The following MACROD2 variants were observed in gnomAD, a reference collection of about 807,000 sequenced individuals.
The protein encoded by MACROD2 is mono-ADP ribosylhydrolase 2.
A neutral mutation model predicts 70.4 loss-of-function variants in MACROD2; 36 were observed. The ratio of observed to expected loss-of-function variants is 0.51; its 90% CI spans 0.39 to 0.68. The LOEUF is 0.68. Among genes scored for constraint, MACROD2 ranks in the 30% least tolerant of loss-of-function variants. The pLI, the probability that MACROD2 is intolerant of heterozygous loss-of-function variation, is 0.00. For missense variants in MACROD2, 496 were observed against 538.4 expected (o/e 0.92, Z 0.78); for synonymous variants, 172 against 178.8 (o/e 0.96, Z 0.30).
intron 8 of MACROD2, among the ~76,000 whole-genome samples, chr20:15,558,786 C>T (rs1360695611): frequency 6.6e-6 from 1 of 152,170 alleles, no homozygotes; most frequent in Non-Finnish European, 1.5e-5. Flanking sequence ...TTCTTTCCTA[C>T]ATTAAAAATG....
chr20:14,426,668 C>T (rs2083936546), intron 3 of MACROD2, among the ~76,000 whole-genome samples: 1 of 152,098 alleles, frequency 6.6e-6, no homozygotes. Context: ...GAGTTATCAT[C>T]TCCATATTTT....
chr20:14,692,946 T>A lies in MACROD2; in HGVS notation c.418+7987T>A, dbSNP rs567613294. On this transcript the variant is annotated intron_variant, in intron 5 of 17. Transcript: ENST00000684519. ...TGTCTTTTAAAAAATATCTACCTTTTGGAAGCAACTGGTGTTTACACTGTT... is the reference window on the plus strand; with the variant it reads ...TGTCTTTTAAAAAATATCTACCTTTAGGAAGCAACTGGTGTTTACACTGTT... Among the ~76,000 whole-genome samples the A allele has an allele frequency of 9.5e-4, 144 of 152,320 alleles. 1 individual carries two copies. The highest frequency in any genetic ancestry group is 3.3e-3 in the African/African-American group (137 of 41,586).
intron 1 of MACROD2, among the ~76,000 whole-genome samples, chr20:13,997,081 G>A (rs953654558): frequency 6.6e-6 from 1 of 151,994 alleles, no homozygotes; most frequent in African/African-American, 2.4e-5. Context: ...CGTGAGGAGG[G>A]AATTTTTTTT....
chr20:15,377,353 G>A (rs1010366798), intron 6 of MACROD2, among the ~76,000 whole-genome samples: 1 of 152,150 alleles, frequency 6.6e-6, no homozygotes, highest in Non-Finnish European at 1.5e-5. Context: ...AGAGAAAAGA[G>A]AAGGAATAAA....
intron 5 of MACROD2, among the ~76,000 whole-genome samples, chr20:14,935,622 G>A (rs140241096): frequency 2.2e-3 from 330 of 152,274 alleles, no homozygotes; most frequent in African/African-American, 7.5e-3. Flanking sequence ...ATTTGGGAGT[G>A]TAGACTGGAA....
chr20:15,710,777 G>A (rs575723735), intron 8 of MACROD2, among the ~76,000 whole-genome samples: 63 of 152,120 alleles, frequency 4.1e-4, no homozygotes, highest in African/African-American at 1.5e-3. Context: ...TGTTTTTGGC[G>A]GAAATTGTCC....
chr20:15,532,871 G>C (rs1414062225), intron 8 of MACROD2, among the ~76,000 whole-genome samples: 1 of 152,034 alleles, frequency 6.6e-6, no homozygotes, highest in African/African-American at 2.4e-5. Context: ...CAATTAAAGG[G>C]TTTGAAAGAT....
chr20:14,321,860 A>G (rs2082663822), intron 3 of MACROD2, among the ~76,000 whole-genome samples: 1 of 152,156 alleles, frequency 6.6e-6, no homozygotes, highest in Admixed American at 6.6e-5. Context: ...ATAGGGAGCA[A>G]GAATAAGTGC....
chr20:15,003,424 C>A (rs138493920), intron 5 of MACROD2, among the ~76,000 whole-genome samples: 4 of 151,976 alleles, frequency 2.6e-5, no homozygotes, highest in African/African-American at 4.8e-5. Flanking sequence ...TCAAGCAGCC[C>A]GGTCTGGGAA....
intron 5 of MACROD2, among the ~76,000 whole-genome samples, chr20:15,154,714 C>G (rs931159224): frequency 2.0e-5 from 3 of 152,216 alleles, no homozygotes; most frequent in African/African-American, 7.2e-5. Flanking sequence ...TAAGCCCATT[C>G]ATAAGGGCTC....
At chr20:15,191,993 T>C (rs1225483217) in intron 5 of MACROD2, among the ~76,000 whole-genome samples, 2 of 151,640 alleles carry the variant, frequency 1.3e-5, no homozygotes, top group Non-Finnish European at 2.9e-5. Flanking sequence ...TATATAACTA[T>C]ATGTGCCCTC....
chr20:15,399,136 C>T (rs1271925968), intron 6 of MACROD2, among the ~76,000 whole-genome samples: 3 of 152,108 alleles, frequency 2.0e-5, no homozygotes. Context: ...TTTGACTTCC[C>T]CAAGCAGACA....
chr20:14,696,775 G>A (rs560387675), intron 5 of MACROD2, among the ~76,000 whole-genome samples: 4 of 152,124 alleles, frequency 2.6e-5, no homozygotes, highest in African/African-American at 9.7e-5. Flanking sequence ...TTGGAGGTCT[G>A]TGGAGGGCAA....
At chr20:14,697,602 G>C (rs1386935473) in intron 5 of MACROD2, among the ~76,000 whole-genome samples, 1 of 152,056 alleles carries the variant, frequency 6.6e-6, no homozygotes, top group African/African-American at 2.4e-5. Flanking sequence ...CTTATTTTGA[G>C]ATTAACTGTC....
chr20:15,758,003 C>G (rs947980211), intron 8 of MACROD2, among the ~76,000 whole-genome samples: 1 of 152,156 alleles, frequency 6.6e-6, no homozygotes, highest in African/African-American at 2.4e-5. Flanking sequence ...CAAAAAGTCT[C>G]AAAATATTGC....
At chr20:14,483,798 A>T (rs2084690273) in intron 3 of MACROD2, among the ~76,000 whole-genome samples, 1 of 152,280 alleles carries the variant, frequency 6.6e-6, no homozygotes, top group African/African-American at 2.4e-5. Context: ...TTCTTACTCT[A>T]ATCTTTTCTA....
intron 5 of MACROD2, among the ~76,000 whole-genome samples, chr20:14,907,999 AAGTCACTATG>A (rs954292760): frequency 1.1e-4 from 16 of 152,144 alleles, no homozygotes; most frequent in Non-Finnish European, 2.2e-4. Flanking sequence ...CCACTGCAAA[AAGTCACTATG>A]AGTCATTGAC....
At chr20:14,656,688 G>A (rs1039867175) in intron 4 of MACROD2, among the ~76,000 whole-genome samples, 5 of 152,250 alleles carry the variant, frequency 3.3e-5, no homozygotes, top group East Asian at 1.9e-4. Context: ...AGAAATGGCC[G>A]GCCAGTGAAT....
At position 14,886,872 on chromosome 20, in the gene MACROD2, C is replaced by T. The variant is rs77599353; in HGVS notation, c.418+201913C>T. Among the ~76,000 whole-genome samples, 1,355 of 152,168 alleles carry T rather than the reference C, an allele frequency of 8.9e-3. 23 individuals carry two copies. The highest frequency in any genetic ancestry group is 0.031 in the African/African-American group (1,288 of 41,514). The stretch of plus-strand genomic sequence containing the variant: ...AGAGAAGAAATAAAATTCTTGGAGC[C>T]ATCATGGCAGCCTTCTTTAAGCTAA... On this transcript the variant is annotated intron_variant, in intron 5 of 17. Coordinates refer to ENST00000684519, the MANE Select transcript of MACROD2 (RefSeq NM_001351661.2).
Sources: gnomAD v4.1 joint callset for allele counts (sites outside exome capture counted in the v4.1 genomes callset) on GRCh38, gnomAD v4.1.1 for gene constraint, MANE v1.5 for transcripts, NCBI Gene and HGNC (gene_info 2026-07-23, HGNC 2026-07-21) for gene names.